Variants in SLF2 observed in about 807,000 individuals in gnomAD.
SLF2 encodes SMC5-SMC6 complex localization factor protein 2.
In SLF2, 68 loss-of-function variants were observed where a neutral mutation model predicts 124.3. That is an observed-to-expected ratio of 0.55 (90% CI 0.45 to 0.67). The LOEUF (loss-of-function observed/expected upper bound fraction) is 0.67. Among genes scored for constraint, SLF2 ranks in the 30% least tolerant of loss-of-function variants. The probability of loss-of-function intolerance (pLI) is 0.00; values close to 1 mark genes in which losing one functional copy is unlikely to be tolerated. For missense variants in SLF2, 1,246 were observed against 1,373.7 expected (o/e 0.91, Z 1.47); for synonymous variants, 480 against 478.8 (o/e 1.00, Z -0.03).
intron 4 of SLF2, among the ~76,000 whole-genome samples, chr10:100,918,794 C>G (rs1849470124): frequency 6.6e-6 from 1 of 151,874 alleles, no homozygotes; most frequent in East Asian, 1.9e-4. Flanking sequence ...TGGTTAATTT[C>G]TTGTATTTTT....
chr10:100,931,024 G>A lies in SLF2; in HGVS notation c.2382G>A (p.Thr794=), dbSNP rs776894608. 2.0e-5 allele frequency: 32 copies of A among 1,613,926 alleles called. 1 individual carries two copies. Among genetic ancestry groups the A allele is most frequent in the East Asian group, 6.7e-5 (3 of 44,880 alleles). Residue 794 remains threonine, a synonymous_variant, in exon 9 of 20, where the codon ACG becomes ACA. Transcript: ENST00000238961. ...TTTTGACAACACAAGGTTTCCTTACGTCTGCTTATCACTATGTCCAGTGTC... is the reference window on the plus strand; with the variant it reads ...TTTTGACAACACAAGGTTTCCTTACATCTGCTTATCACTATGTCCAGTGTC... ...QIFLTTQGFL[T]SAYHYVQCPV...
At chr10:100,949,665 G>A (rs1286414885) in intron 15 of SLF2, among the ~76,000 whole-genome samples, 3 of 151,178 alleles carry the variant, frequency 2.0e-5, no homozygotes, top group Non-Finnish European at 4.4e-5. Context: ...GCACAATCTC[G>A]GCTCACTGCA....
intron 4 of SLF2, among the ~76,000 whole-genome samples, chr10:100,923,591 C>T (rs567588117): frequency 1.3e-5 from 2 of 151,938 alleles, no homozygotes; most frequent in East Asian, 3.9e-4. Context: ...AGGTACTATA[C>T]ATTTAAATGT....
chr10:100,956,875 A>G (rs537377810), intron 18 of SLF2, among the ~76,000 whole-genome samples: 6 of 152,320 alleles, frequency 3.9e-5, no homozygotes, highest in Non-Finnish European at 8.8e-5. Flanking sequence ...GCAGTGAGCT[A>G]TGAACACACA....
At chr10:100,944,740 A>G (rs559459271) in intron 12 of SLF2, among the ~76,000 whole-genome samples, 2 of 151,848 alleles carry the variant, frequency 1.3e-5, no homozygotes, top group Admixed American at 1.3e-4. Flanking sequence ...AGTTAATGGC[A>G]GAGGCCGGGC....
chr10:100,938,872 A>G lies in SLF2; in HGVS notation c.2654+136A>G, dbSNP rs141657412. The G allele has an allele frequency of 2.8e-3, 2,023 of 733,176 alleles. 34 individuals are homozygous for G. The East Asian group carries it at 0.033, about 12-fold the overall frequency. 45.4% of individuals were successfully genotyped at this position (733,176 alleles called of 1,614,324 possible). ...TTGAGATCAATCTTGAATTAGATAC[A>G]TTTTTAACATGTCTTAATCTAAAAG... On this transcript the variant is annotated intron_variant, in intron 11 of 19. Transcript: ENST00000238961.
At position 100,924,255 on chromosome 10, in the gene SLF2, T is replaced by C; in HGVS notation, c.1254T>C (p.His418=). 1.2e-6 allele frequency: 2 copies of C among 1,614,136 alleles called. No individual in the cohort carries two copies. The highest frequency in any genetic ancestry group is 1.7e-6 in the Non-Finnish European group (2 of 1,180,024). The change falls in exon 5 of 20, where the codon CAT becomes CAC. Residue 418 remains histidine (H), a synonymous_variant. Transcript: ENST00000238961. ...APSNSGNSGH[H]STRNSDQIQV... ...CAAATTCTGGCAATTCTGGCCACCA[T>C]TCTACCAGGAATAGTGACCAAATCC...
At chr10:100,920,783 C>G (rs1849510030) in intron 4 of SLF2, among the ~76,000 whole-genome samples, 1 of 152,086 alleles carries the variant, frequency 6.6e-6, no homozygotes, top group Non-Finnish European at 1.5e-5. Context: ...GACCTCGTCT[C>G]TACTAAAATT....
At chr10:100,917,343 C>T (rs1369903951) in intron 3 of SLF2, 43 bp downstream of exon 3, 7 of 1,531,556 alleles carry the variant, frequency 4.6e-6, no homozygotes, top group Non-Finnish European at 5.2e-6. Context: ...ACTGCTATGT[C>T]ATATTTAGAA....
chr10:100,939,363 G>T (rs1386550238), intron 11 of SLF2, among the ~76,000 whole-genome samples: 1 of 151,820 alleles, frequency 6.6e-6, no homozygotes, highest in African/African-American at 2.4e-5. Context: ...GGGTGACAGA[G>T]TGAGACCTTG....
Position 100,924,333 on chromosome 10 carries a change from T to A in SLF2, c.1332T>A (p.Ser444=). 6.2e-7 allele frequency: 1 copy of A among 1,613,772 alleles called. No homozygotes were observed. The highest frequency in any genetic ancestry group is 8.5e-7 in the Non-Finnish European group (1 of 1,179,970). ...TKMQKPHLPL[S]QEKSAIKKAS... ...TGCAGAAACCCCACTTACCTTTATC[T>A]CAGGAAAAGTCTGCAATTAAAAAAG... The change falls in exon 5 of 20, where the codon TCT becomes TCA. Residue 444 remains serine, a synonymous_variant. Coordinates refer to ENST00000238961, the MANE Select transcript of SLF2 (RefSeq NM_018121.4).
chr10:100,952,621 T>C (rs1332247981), intron 17 of SLF2, among the ~76,000 whole-genome samples: 1 of 151,862 alleles, frequency 6.6e-6, no homozygotes, highest in South Asian at 2.1e-4. Flanking sequence ...ATTCTTATGT[T>C]TTTATAAATG....
At chr10:100,914,198 C>T (rs1849373540) in intron 1 of SLF2, among the ~76,000 whole-genome samples, 1 of 152,216 alleles carries the variant, frequency 6.6e-6, no homozygotes, top group African/African-American at 2.4e-5. Flanking sequence ...TTCCATAATA[C>T]ATCCAAGTTA....
intron 2 of SLF2, 98 bp downstream of exon 2, chr10:100,916,140 G>A (rs866139386): frequency 1.3e-5 from 11 of 856,762 alleles, no homozygotes; most frequent in Middle Eastern, 2.7e-4. Context: ...TTTAGTAAAC[G>A]TAGTGTTCAA....
chr10:100,923,469 A>C (rs1166918429), intron 4 of SLF2, among the ~76,000 whole-genome samples: 2 of 148,396 alleles, frequency 1.3e-5, no homozygotes, highest in South Asian at 4.3e-4. Flanking sequence ...AGACAAAGAC[A>C]CCTTTTGTAA....
rs12770334 is a variant in SLF2 at position 100,942,738 on chromosome 10, C to G, written c.2655-1288C>G. Among the ~76,000 whole-genome samples the G allele has an allele frequency of 2.6e-5, 4 of 152,108 alleles. No individual in the cohort carries two copies. In the South Asian group the frequency reaches 8.3e-4, roughly 32 times the overall value. ...TTCACCATGTTGGCCAGGCTGGTCT[C>G]GAACTCCTGACCTCGGGTGATCTGC... On this transcript the variant is annotated intron_variant, in intron 11 of 19. Transcript: ENST00000238961.
At chr10:100,923,383 C>T (rs1849554981) in intron 4 of SLF2, among the ~76,000 whole-genome samples, 1 of 152,144 alleles carries the variant, frequency 6.6e-6, no homozygotes, top group Non-Finnish European at 1.5e-5. Context: ...AGCTGCATCA[C>T]TCCAGTCACA....
intron 9 of SLF2, among the ~76,000 whole-genome samples, chr10:100,933,247 G>A (rs986806355): frequency 1.3e-5 from 2 of 152,106 alleles, no homozygotes; most frequent in Non-Finnish European, 2.9e-5. Flanking sequence ...CATTGTTATA[G>A]CCATTCAAAC....
chr10:100,954,214 T>C (rs1850281840), intron 17 of SLF2, among the ~76,000 whole-genome samples: 1 of 152,110 alleles, frequency 6.6e-6, no homozygotes, highest in Admixed American at 6.5e-5. Context: ...ACTGTGGTCA[T>C]GCCACTGCCC....
Sources: allele counts gnomAD v4.1 joint callset (sites outside exome capture counted in the v4.1 genomes callset), GRCh38; gene constraint gnomAD v4.1.1; transcripts MANE v1.5; gene names NCBI Gene and HGNC (gene_info 2026-07-23, HGNC 2026-07-21).